Variants in KCNN2 observed in about 807,000 individuals in gnomAD.
The protein encoded by KCNN2 is small conductance calcium-activated potassium channel protein 2.
A neutral mutation model predicts 55.5 loss-of-function variants in KCNN2; 24 were observed. The observed-to-expected ratio is 0.43, with a 90% CI of 0.31 to 0.61. KCNN2 has a LOEUF of 0.61. Among genes scored for constraint, KCNN2 ranks in the 20% least tolerant of loss-of-function variants. The pLI is 0.08. For synonymous variants in KCNN2, 431 were observed against 336.1 expected (o/e 1.28, Z -3.09); for missense variants, 754 against 853.6 (o/e 0.88, Z 1.45).
intron 1 of KCNN2, among the ~76,000 whole-genome samples, chr5:114,206,008 G>A (rs1232494266): frequency 1.3e-5 from 2 of 152,092 alleles, no homozygotes; most frequent in Non-Finnish European, 2.9e-5. Flanking sequence ...TCCATTCAAG[G>A]AAAGACTTCA....
chr5:114,438,458 G>C (rs1004557449), intron 3 of KCNN2, among the ~76,000 whole-genome samples: 34 of 152,246 alleles, frequency 2.2e-4, no homozygotes, highest in African/African-American at 7.9e-4. Flanking sequence ...TGCAACTTTT[G>C]ATCTTTTGGG....
At chr5:114,141,704 A>T (rs960409005) in intron 1 of KCNN2, among the ~76,000 whole-genome samples, 1 of 152,194 alleles carries the variant, frequency 6.6e-6, no homozygotes, top group Admixed American at 6.5e-5. Flanking sequence ...AGGATTCGCC[A>T]CACTGTCTTC....
intron 1 of KCNN2, among the ~76,000 whole-genome samples, chr5:114,092,731 T>C (rs576088931): frequency 5.3e-5 from 8 of 152,308 alleles, no homozygotes; most frequent in Non-Finnish European, 1.0e-4. Flanking sequence ...CAACACCACT[T>C]GTAAGCCACC....
chr5:114,369,148 G>A (rs527290836), intron 2 of KCNN2, among the ~76,000 whole-genome samples: 62 of 152,288 alleles, frequency 4.1e-4, no homozygotes, highest in African/African-American at 1.5e-3. Context: ...CAGAGTTTAT[G>A]TCTCTGCTTT....
At chr5:114,137,017 C>T (rs1752187210) in intron 1 of KCNN2, among the ~76,000 whole-genome samples, 1 of 152,172 alleles carries the variant, frequency 6.6e-6, no homozygotes, top group African/African-American at 2.4e-5. Context: ...ATTGCCTTCT[C>T]TGTCCTACTA....
At position 114,473,042 on chromosome 5, in the gene KCNN2, C is replaced by T. The variant is rs1372942693; in HGVS notation, c.1780-12C>T. 6.4e-7 allele frequency: 1 copy of T among 1,566,124 alleles called. No homozygotes were observed. Among genetic ancestry groups the T allele is most frequent in the South Asian group, 1.1e-5 (1 of 87,082 alleles). On this transcript the variant is annotated splice_polypyrimidine_tract_variant and intron_variant, in intron 4 of 7. Coordinates refer to ENST00000673685, the MANE Select transcript of KCNN2 (RefSeq NM_021614.4). ...GTAATGCTTTGGGTTTCTCTTCTCT[C>T]CTTGTTTTCAGGGTGCTGGTTGCAC...
chr5:114,165,971 A>G (rs1033467683), intron 1 of KCNN2, among the ~76,000 whole-genome samples: 3 of 152,126 alleles, frequency 2.0e-5, no homozygotes, highest in African/African-American at 7.2e-5. Context: ...TGACTTTGCT[A>G]GTTGATAAGA....
intron 3 of KCNN2, among the ~76,000 whole-genome samples, chr5:114,435,264 G>A (rs529665005): frequency 2.0e-5 from 3 of 152,092 alleles, no homozygotes; most frequent in Non-Finnish European, 4.4e-5. Flanking sequence ...GGTGGTTTTT[G>A]GGTGGTTTTT....
intron 4 of KCNN2, among the ~76,000 whole-genome samples, chr5:114,469,260 C>G (rs972543967): frequency 9.2e-5 from 14 of 152,268 alleles, no homozygotes; most frequent in Middle Eastern, 3.4e-3. Flanking sequence ...CCTCTGCCCC[C>G]CTTAACTTAT....
chr5:114,085,458 G>T (rs1193240034), intron 1 of KCNN2, among the ~76,000 whole-genome samples: 2 of 152,028 alleles, frequency 1.3e-5, no homozygotes, highest in East Asian at 1.9e-4. Context: ...TATTGCAAAT[G>T]ATATTGTGTT....
chr5:114,358,893 G>C (rs1227551284), upstream of KCNN2, among the ~76,000 whole-genome samples: 1 of 152,190 alleles, frequency 6.6e-6, no homozygotes, highest in African/African-American at 2.4e-5. Context: ...TTTATTAAAA[G>C]AGGAATGATG....
chr5:114,368,268 A>T (rs1757663508), intron 2 of KCNN2, among the ~76,000 whole-genome samples: 1 of 152,242 alleles, frequency 6.6e-6, no homozygotes, highest in Admixed American at 6.5e-5. Flanking sequence ...AACTGTAATT[A>T]TATAATAAAT....
Position 114,454,380 on chromosome 5 carries a change from A to G in KCNN2, c.1638-8669A>G, listed in dbSNP as rs538110591. Among the ~76,000 whole-genome samples the G allele has an allele frequency of 1.4e-3, 211 of 152,200 alleles. 1 individual carries two copies. The highest frequency in any genetic ancestry group is 4.8e-3 in the African/African-American group (201 of 41,522). Reference sequence around the variant, plus strand: ...CCATTCTCTCGTATTAAGAGTGGCAATTGGAAGCCAGTTGGAAGCTCGGTA... The same window carrying G: ...CCATTCTCTCGTATTAAGAGTGGCAGTTGGAAGCCAGTTGGAAGCTCGGTA... On this transcript the variant is annotated intron_variant, in intron 3 of 7. Transcript: ENST00000673685.
chr5:114,259,626 A>T lies in KCNN2; in HGVS notation c.-185+38061A>T, dbSNP rs148265970. On this transcript the variant is annotated intron_variant, in intron 2 of 10. Coordinates refer to the KCNN2 transcript ENST00000512097. ...GTAAAACTTAAAGTATAATAATAAT[A>T]AAAAAAAAAGTCCTCAAATCACAGC... is the stretch of plus-strand genomic sequence containing the variant. 1.8e-3 allele frequency among the ~76,000 whole-genome samples: 268 copies of T among 146,208 alleles called. 1 individual carries two copies. The highest frequency in any genetic ancestry group is 6.3e-3 in the African/African-American group (239 of 38,192).
intron 1 of KCNN2, among the ~76,000 whole-genome samples, chr5:114,158,824 G>T (rs1467616788): frequency 6.6e-6 from 1 of 152,244 alleles, no homozygotes; most frequent in African/African-American, 2.4e-5. Flanking sequence ...TGGTGTATAA[G>T]AATGCTTGTG....
chr5:114,327,324 G>A (rs1012874932), intron 2 of KCNN2, among the ~76,000 whole-genome samples: 1 of 152,124 alleles, frequency 6.6e-6, no homozygotes, highest in Non-Finnish European at 1.5e-5. Context: ...CAACCTATGC[G>A]GGAGCAGAGT....
At chr5:114,490,730 T>C (rs1747804164) in intron 6 of KCNN2, 1 of 398,074 alleles carries the variant, frequency 2.5e-6, no homozygotes, top group Non-Finnish European at 4.4e-6. Context: ...CTTTCAACAT[T>C]TGCAGAATTT....
intron 1 of KCNN2, among the ~76,000 whole-genome samples, chr5:114,215,543 G>A (rs940865709): frequency 1.3e-5 from 2 of 152,126 alleles, no homozygotes; most frequent in Non-Finnish European, 1.5e-5. Flanking sequence ...CCTTGCTATA[G>A]TTAAATCAAT....
chr5:114,126,501 A>G (rs1751933032), intron 1 of KCNN2, among the ~76,000 whole-genome samples: 1 of 152,150 alleles, frequency 6.6e-6, no homozygotes, highest in South Asian at 2.1e-4. Flanking sequence ...TCATGAGAAC[A>G]GGATGTAGGA....
Sources: allele counts gnomAD v4.1 joint callset (sites outside exome capture counted in the v4.1 genomes callset), GRCh38; gene constraint gnomAD v4.1.1; transcripts MANE v1.5; gene names NCBI Gene and HGNC (gene_info 2026-07-23, HGNC 2026-07-21).